Variants in COG6 observed in about 807,000 individuals in gnomAD.
COG6 encodes component of oligomeric golgi complex 6, also known as conserved oligomeric Golgi complex subunit 6.
A neutral mutation model predicts 88.8 loss-of-function variants in COG6; 74 were observed. The observed-to-expected ratio is 0.83, with a 90% confidence interval of 0.69 to 1.01. The LOEUF is 1.01. Among genes scored for constraint, COG6 ranks in the 50% least tolerant of loss-of-function variants. The pLI, the probability that COG6 is intolerant of heterozygous loss-of-function variation, is 0.00. For synonymous variants in COG6, 286 were observed against 278.7 expected, an observed-to-expected ratio of 1.03 and a Z score of -0.26; for missense variants, 800 against 797.9, an observed-to-expected ratio of 1.00 and a Z score of -0.03.
chr13:39,720,156 G>A (rs1181675850), intron 15 of COG6, among the ~76,000 whole-genome samples: 2 of 152,012 alleles, frequency 1.3e-5, no homozygotes, highest in African/African-American at 4.8e-5. Flanking sequence ...GTCTGTATGT[G>A]GATTTTAGTT....
At chr13:39,668,991 G>T (rs1875453894) in intron 4 of COG6, among the ~76,000 whole-genome samples, 1 of 148,576 alleles carries the variant, frequency 6.7e-6, no homozygotes, top group Non-Finnish European at 1.5e-5. Context: ...ATCATTTGTA[G>T]ATTCCTGAAT....
intron 13 of COG6, among the ~76,000 whole-genome samples, chr13:39,702,569 A>G (rs2138039517): frequency 6.6e-6 from 1 of 152,144 alleles, no homozygotes; most frequent in East Asian, 1.9e-4. Flanking sequence ...TACTTCCTTA[A>G]CCATATAAAG....
At chr13:39,725,541 A>C (rs1349093956) in intron 17 of COG6, among the ~76,000 whole-genome samples, 1 of 151,962 alleles carries the variant, frequency 6.6e-6, no homozygotes, top group Non-Finnish European at 1.5e-5. Context: ...GGATAGGCTC[A>C]TAAGATACCT....
chr13:39,714,845 G>T (rs1280681038), intron 13 of COG6, among the ~76,000 whole-genome samples: 2 of 152,150 alleles, frequency 1.3e-5, no homozygotes, highest in Non-Finnish European at 2.9e-5. Context: ...GGTTGCAGTT[G>T]TAAAGATATG....
At chr13:39,658,812 T>C (rs772768734) in intron 1 of COG6, among the ~76,000 whole-genome samples, 4 of 152,190 alleles carry the variant, frequency 2.6e-5, no homozygotes, top group Non-Finnish European at 4.4e-5. Context: ...TTCTCCAAGT[T>C]CTACTTCCAG....
chr13:39,771,590 C>T (rs1298590697), intron 18 of COG6, among the ~76,000 whole-genome samples: 1 of 152,232 alleles, frequency 6.6e-6, no homozygotes. Context: ...CTCATTTGGG[C>T]TGCTGCCTTG....
chr13:39,659,547 A>G (rs748977488), intron 2 of COG6, 40 bp downstream of exon 2: 3 of 1,564,288 alleles, frequency 1.9e-6, no homozygotes, highest in South Asian at 2.2e-5. Context: ...TTGAGAACTT[A>G]CTATTACGCC....
In COG6 at chr13:39,665,128, A is replaced by G; in HGVS notation, c.402A>G (p.Val134=). The change falls in exon 4 of 19, where the codon GTA becomes GTG. Residue 134 remains valine, a synonymous_variant. Coordinates refer to ENST00000455146, the MANE Select transcript of COG6 (RefSeq NM_020751.3). ...AAKEQTQDLI[V]KTTKLQSESQ... is the part of the protein sequence containing the mutation. Reference sequence around the variant, plus strand: ...AGGAACAGACTCAAGATTTAATAGTAAAAACCACTAAGCTTCAATCTGAAA... The same window carrying G: ...AGGAACAGACTCAAGATTTAATAGTGAAAACCACTAAGCTTCAATCTGAAA... 1 of 1,527,720 alleles carries G rather than the reference A, an allele frequency of 6.5e-7. No individual in the cohort carries two copies. The highest frequency in any genetic ancestry group is 1.1e-5 in the South Asian group (1 of 88,734). The allele number at this position is 1,527,720 out of a possible 1,614,324, so 94.6% of individuals were successfully genotyped here.
chr13:39,762,055 A>G (rs1216839462), intron 18 of COG6, among the ~76,000 whole-genome samples: 4 of 151,940 alleles, frequency 2.6e-5, no homozygotes, highest in Non-Finnish European at 4.4e-5. Context: ...GAGACATTTT[A>G]TTTTTACTCC....
chr13:39,674,853 T>G (rs900152845), intron 4 of COG6, among the ~76,000 whole-genome samples: 1 of 151,996 alleles, frequency 6.6e-6, no homozygotes, highest in Admixed American at 6.6e-5. Context: ...AAACAGTACG[T>G]GTAGGATTTG....
chr13:39,678,024 T>C, intron 5 of COG6: 1 of 443,926 alleles, frequency 2.3e-6, no homozygotes. Flanking sequence ...GTTCTCTTTA[T>C]CTCCTTCATA....
At chr13:39,704,068 A>G (rs994171088) in intron 13 of COG6, among the ~76,000 whole-genome samples, 2 of 151,974 alleles carry the variant, frequency 1.3e-5, no homozygotes, top group Non-Finnish European at 2.9e-5. Context: ...CAAATTTTTA[A>G]TCTACTGAAG....
At chr13:39,741,468 C>T (rs143073084) in intron 18 of COG6, among the ~76,000 whole-genome samples, 7,630 of 152,128 alleles carry the variant, frequency 0.05, 548 homozygotes, top group Admixed American at 0.22. Flanking sequence ...CATGCACAAG[C>T]TTCAATAGTC....
exon 19 of COG6, chr13:39,788,482 C>G (rs1881843704): frequency 1.1e-5 from 9 of 832,600 alleles, no homozygotes; most frequent in Admixed American, 4.4e-5. Flanking sequence ...TGTCATCTTC[C>G]CCTGTCTACT....
chr13:39,670,548 G>A (rs796073572), intron 4 of COG6, among the ~76,000 whole-genome samples: 7 of 152,148 alleles, frequency 4.6e-5, no homozygotes, highest in African/African-American at 1.7e-4. Flanking sequence ...ATGTCTGAAA[G>A]AAGGAAGGGG....
chr13:39,694,785 C>G, intron 12 of COG6, 60 bp downstream of exon 12: 1 of 937,180 alleles, frequency 1.1e-6, no homozygotes, highest in Admixed American at 2.0e-5. Context: ...TCAGTTAGAG[C>G]ACAGTATAAG....
intron 4 of COG6, among the ~76,000 whole-genome samples, chr13:39,672,119 G>A (rs1024095341): frequency 1.3e-5 from 2 of 151,910 alleles, no homozygotes; most frequent in African/African-American, 4.8e-5. Context: ...AAGAGTAATA[G>A]CAAGTGTGCA....
At chr13:39,670,101 G>GT in intron 4 of COG6, among the ~76,000 whole-genome samples, 1 of 152,046 alleles carries the variant, frequency 6.6e-6, no homozygotes, top group African/African-American at 2.4e-5. Flanking sequence ...TTCCAACTGA[G>GT]TGAGAAGGAA....
Position 39,696,854 on chromosome 13 carries a change from C to T in COG6, c.1166+2129C>T, listed in dbSNP as rs144581654. Among the ~76,000 whole-genome samples the T allele has an allele frequency of 5.5e-3, 822 of 150,280 alleles. 5 individuals carry two copies. Among genetic ancestry groups the T allele is most frequent in the African/African-American group, 0.019 (762 of 40,888 alleles). ...AGATATTTAGAAAGCAGTTTGTGCT[C>T]CTGAGAAGAGATGATGATGTTTAGA... On this transcript the variant is annotated intron_variant, in intron 12 of 18. Coordinates refer to ENST00000455146, the MANE Select transcript of COG6 (RefSeq NM_020751.3).
Sources: gnomAD v4.1 joint callset for allele counts (sites outside exome capture counted in the v4.1 genomes callset) on GRCh38, gnomAD v4.1.1 for gene constraint, MANE v1.5 for transcripts, NCBI Gene and HGNC (gene_info 2026-07-23, HGNC 2026-07-21) for gene names.